The following APPL1 variants were observed in gnomAD, a reference collection of about 807,000 sequenced individuals.
The protein encoded by APPL1 is adaptor protein, phosphotyrosine interacting with PH domain and leucine zipper 1.
In APPL1, 42 loss-of-function variants were observed where a neutral mutation model predicts 106.8. The ratio of observed to expected loss-of-function variants is 0.39; its 90% CI spans 0.31 to 0.51. The LOEUF (loss-of-function observed/expected upper bound fraction) is 0.51. Ranked by LOEUF, APPL1 falls within the 20% of genes least tolerant of loss-of-function variation. The pLI is 0.75. For missense variants in APPL1, 769 were observed against 858.2 expected (o/e 0.90, Z 1.30); for synonymous variants, 263 against 281.8 (o/e 0.93, Z 0.67).
intron 19 of APPL1, among the ~76,000 whole-genome samples, chr3:57,263,398 C>A (rs1229229267): frequency 6.6e-6 from 1 of 151,422 alleles, no homozygotes; most frequent in African/African-American, 2.4e-5. Context: ...CCTCCCACCC[C>A]CCATCCCCAC....
intron 3 of APPL1, 60 bp from the exon 4 acceptor site, chr3:57,237,985 A>G: frequency 7.9e-7 from 1 of 1,259,664 alleles, no homozygotes; most frequent in Non-Finnish European, 1.1e-6. Context: ...AAATTATAGT[A>G]ATGTCATTCC....
At chr3:57,246,989 TC>T (rs553868630) in intron 8 of APPL1, among the ~76,000 whole-genome samples, 5,972 of 112,054 alleles carry the variant, frequency 0.053, 157 homozygotes, top group Non-Finnish European at 0.08. Context: ...AGACCCTGTC[TC>T]AAAAAAAAAA....
Position 57,256,878 on chromosome 3 carries a change from T to C in APPL1, c.1153-79T>C, listed in dbSNP as rs2060839386. On this transcript the variant is annotated intron_variant, in intron 13 of 21. Transcript: ENST00000288266. ...TTTTAAGTGTAACTCAGAAGCATTCTAACAATTCAGAGTTACATTCAAACT... is the reference window on the plus strand; with the variant it reads ...TTTTAAGTGTAACTCAGAAGCATTCCAACAATTCAGAGTTACATTCAAACT... The C allele has an allele frequency of 4.5e-6, 5 of 1,104,964 alleles. No homozygotes were observed. In the East Asian group the frequency reaches 1.2e-4, roughly 26 times the overall value. 68.4% of individuals were successfully genotyped at this position (1,104,964 alleles called of 1,614,324 possible). A position where few individuals can be genotyped will look rare whatever the true frequency, so the allele number is the denominator to read the frequency against.
intron 3 of APPL1, 59 bp downstream of exon 3, chr3:57,237,610 G>T: frequency 8.2e-7 from 1 of 1,217,180 alleles, no homozygotes; most frequent in South Asian, 1.5e-5. Flanking sequence ...TGTATAGATA[G>T]ACTTTCAACA....
At position 57,263,565 on chromosome 3, in the gene APPL1, T is replaced by C. The variant is rs564259524; in HGVS notation, c.1842+2791T>C. 7.2e-5 allele frequency among the ~76,000 whole-genome samples: 11 copies of C among 152,322 alleles called. No individual in the cohort carries two copies. In the South Asian group the frequency reaches 2.3e-3, roughly 32 times the overall value. On this transcript the variant is annotated intron_variant, in intron 19 of 21. Transcript: ENST00000288266. ...TTAACATAATGACCTCCATGTTCCA[T>C]ATATCTTATTGCAAATGACAGAATC...
chr3:57,256,646 T>TG (rs2107606808), intron 13 of APPL1, among the ~76,000 whole-genome samples: 1 of 152,166 alleles, frequency 6.6e-6, no homozygotes, highest in East Asian at 1.9e-4. Context: ...TAGTTAAAAA[T>TG]GTAAAGAAAA....
chr3:57,235,719 T>TATGA, intron 2 of APPL1, 55 bp downstream of exon 2: 1 of 1,283,130 alleles, frequency 7.8e-7, no homozygotes, highest in East Asian at 2.3e-5. Flanking sequence ...TTAAGCCTCA[T>TATGA]GAGGACAGAT....
chr3:57,250,334 C>G (rs1417904175), intron 11 of APPL1, among the ~76,000 whole-genome samples: 3 of 152,102 alleles, frequency 2.0e-5, no homozygotes, highest in Non-Finnish European at 4.4e-5. Context: ...GTAGAGATGT[C>G]TCATCATGTT....
intron 21 of APPL1, 191 bp downstream of exon 21, chr3:57,268,678 C>T (rs1312677825): frequency 1.1e-5 from 5 of 436,354 alleles, no homozygotes; most frequent in African/African-American, 2.0e-5. Context: ...ATTATAGTTA[C>T]GTTGACATGT....
intron 13 of APPL1, among the ~76,000 whole-genome samples, chr3:57,256,230 G>A (rs2060835478): frequency 6.6e-6 from 1 of 152,072 alleles, no homozygotes; most frequent in African/African-American, 2.4e-5. Flanking sequence ...TTAAAAAATT[G>A]TGAAAAAATC....
At chr3:57,250,576 T>A (rs964165777) in intron 11 of APPL1, among the ~76,000 whole-genome samples, 2 of 152,184 alleles carry the variant, frequency 1.3e-5, no homozygotes, top group African/African-American at 4.8e-5. Context: ...AACTTTTTTG[T>A]CCATTGCCTT....
chr3:57,260,227 C>T, intron 18 of APPL1, 74 bp downstream of exon 18: 1 of 1,441,188 alleles, frequency 6.9e-7, no homozygotes, highest in African/African-American at 1.4e-5. Context: ...TGATAATAAT[C>T]CTGATCCTGT....
intron 8 of APPL1, among the ~76,000 whole-genome samples, chr3:57,246,624 A>G (rs761640928): frequency 7.2e-5 from 11 of 152,280 alleles, no homozygotes; most frequent in East Asian, 1.9e-4. Flanking sequence ...ATGAACTCCA[A>G]CGTGCCCAAA....
intron 19 of APPL1, among the ~76,000 whole-genome samples, chr3:57,264,376 T>C (rs559911344): frequency 1.3e-5 from 2 of 152,204 alleles, no homozygotes; most frequent in Non-Finnish European, 2.9e-5. Context: ...GCAGAAACTT[T>C]TTAACTTGAT....
chr3:57,238,533 A>G (rs1293635362), intron 4 of APPL1, among the ~76,000 whole-genome samples: 1 of 152,186 alleles, frequency 6.6e-6, no homozygotes, highest in Non-Finnish European at 1.5e-5. Flanking sequence ...ATCACAACAA[A>G]TCATTAAAAC....
intron 9 of APPL1, 129 bp from the exon 10 acceptor site, chr3:57,248,055 ATTCGTGTTG>A (rs2060784049): frequency 1.3e-6 from 1 of 767,426 alleles, no homozygotes. Context: ...TTTAAAATAT[ATTCGTGTTG>A]TTTTAACCAC....
At chr3:57,267,537 T>G (rs2060901064) in intron 19 of APPL1, among the ~76,000 whole-genome samples, 1 of 152,142 alleles carries the variant, frequency 6.6e-6, no homozygotes, top group Non-Finnish European at 1.5e-5. Context: ...TATATGAAGG[T>G]GAGAGTCAGC....
chr3:57,259,564 AG>A (rs2060854543), intron 16 of APPL1, among the ~76,000 whole-genome samples: 1 of 152,002 alleles, frequency 6.6e-6, no homozygotes, highest in African/African-American at 2.4e-5. Flanking sequence ...CCAAAGTGCT[AG>A]GATTACAGGT....
chr3:57,241,241 G>C (rs2060744653), intron 5 of APPL1, among the ~76,000 whole-genome samples: 1 of 152,162 alleles, frequency 6.6e-6, no homozygotes, highest in African/African-American at 2.4e-5. Flanking sequence ...TATGACCAAG[G>C]CCTGAGTTAG....
Sources: allele counts gnomAD v4.1 joint callset (sites outside exome capture counted in the v4.1 genomes callset), GRCh38; gene constraint gnomAD v4.1.1; transcripts MANE v1.5; gene names NCBI Gene and HGNC (gene_info 2026-07-23, HGNC 2026-07-21).